The following EHBP1L1 variants were observed in gnomAD, a reference collection of about 807,000 sequenced individuals.
EHBP1L1 encodes EH domain-binding protein 1-like protein 1.
Under a neutral mutation model 151.1 loss-of-function variants are expected in EHBP1L1, and 122 were observed. That is an observed-to-expected ratio of 0.81 (90% CI 0.70 to 0.94). EHBP1L1 has a LOEUF of 0.94. EHBP1L1 is among the 40% of genes least tolerant of loss of function. The pLI, the probability that EHBP1L1 is intolerant of heterozygous loss-of-function variation, is 0.00. For synonymous variants in EHBP1L1, 878 were observed against 810.1 expected (o/e 1.08, Z -1.42); for missense variants, 1,941 against 1,959.8 (o/e 0.99, Z 0.18).
chr11:65,590,117 T>C lies in EHBP1L1; in HGVS notation c.4090T>C (p.Cys1364Arg). Residue 1364 changes from cysteine to arginine, a missense_variant, in exon 15 of 19, where the codon TGT (cysteine) becomes CGT (arginine). By Grantham distance (180) the Cys-to-Arg change is radical. Coordinates refer to ENST00000309295, the MANE Select transcript of EHBP1L1 (RefSeq NM_001099409.3). ...QRFQDTSQYV[C>R]AELQALEQEQ... ...GTTCCAGGACACAAGTCAGTACGTG[T>C]GTGCAGAGCTGCAGGCCCTGGAACA... The C allele has an allele frequency of 1.9e-6, 3 of 1,613,800 alleles. No individual in the cohort carries two copies. Among genetic ancestry groups the C allele is most frequent in the Non-Finnish European group, 2.5e-6 (3 of 1,179,818 alleles).
In EHBP1L1 at chr11:65,579,919, A is replaced by G. The variant is rs766029891; in HGVS notation, c.259-17A>G. The G allele has an allele frequency of 2.8e-5, 45 of 1,613,098 alleles. No homozygotes were observed. The Middle Eastern group carries it at 6.6e-4, about 24-fold the overall frequency. On this transcript the variant is annotated splice_polypyrimidine_tract_variant and intron_variant, in intron 3 of 18. Transcript: ENST00000309295. ...CTGCCCCAACAGTCCTGTACTCACCAGCACCCTTCTTCCCAGGACCCCCAC... is the reference window on the plus strand; with the variant it reads ...CTGCCCCAACAGTCCTGTACTCACCGGCACCCTTCTTCCCAGGACCCCCAC...
In EHBP1L1 at chr11:65,581,630, G is replaced by A; in HGVS notation, c.958G>A (p.Gly320Arg). 1 of 1,550,290 alleles carries A rather than the reference G, an allele frequency of 6.5e-7. No homozygotes were observed. The highest frequency in any genetic ancestry group is 8.7e-7 in the Non-Finnish European group (1 of 1,147,140). ...SDALRPPVPQ[G>R]EDEVPKASGA... The stretch of plus-strand genomic sequence containing the variant: ...TGCCCTCCGGCCCCCAGTCCCCCAG[G>A]GGGAAGATGAGGTCCCCAAAGCCTC... Residue 320 changes from glycine (G) to arginine (R), a missense_variant, in exon 9 of 19, where the codon GGG becomes AGG. By Grantham distance (125) the Gly-to-Arg change is moderately radical (BLOSUM62 -2). Transcript: ENST00000309295.
At position 65,579,402 on chromosome 11, in the gene EHBP1L1, C is replaced by T; in HGVS notation, c.224C>T (p.Pro75Leu). The change falls in exon 3 of 19, where the codon CCT (proline) becomes CTT (leucine). Residue 75 changes from proline to leucine, a missense_variant. By Grantham distance (98) the Pro-to-Leu change is moderately conservative. Coordinates refer to ENST00000309295, the MANE Select transcript of EHBP1L1 (RefSeq NM_001099409.3). ...CGGGGCACCGTGGTGTGGATGGTAC[C>T]TGAGAATGTGGACATCTCTGTGACC... is the stretch of plus-strand genomic sequence containing the variant. ...PYRGTVVWMV[P>L]ENVDISVTLY... The T allele has an allele frequency of 1.3e-6, 2 of 1,573,032 alleles. No homozygotes were observed. The highest frequency in any genetic ancestry group is 1.7e-6 in the Non-Finnish European group (2 of 1,158,636).
Position 65,585,765 on chromosome 11 carries a change from C to G in EHBP1L1, c.3933+174C>G, listed in dbSNP as rs1857938838. On this transcript the variant is annotated intron_variant, in intron 12 of 18. Transcript: ENST00000309295. The surrounding 1 kb of genome is among the most constrained non-coding windows in gnomAD (Gnocchi z 4.0). Reference sequence around the variant, plus strand: ...GAGGGGCTATCTGATCAGAGGGACCCTGGTGCTGTGGAAGAGTCCTCTGGT... The same window carrying G: ...GAGGGGCTATCTGATCAGAGGGACCGTGGTGCTGTGGAAGAGTCCTCTGGT... 6.6e-6 allele frequency among the ~76,000 whole-genome samples: 1 copy of G among 152,214 alleles called. No individual in the cohort carries two copies. The highest frequency in any genetic ancestry group is 1.5e-5 in the Non-Finnish European group (1 of 68,024).
intron 11 of EHBP1L1, 191 bp downstream of exon 11, chr11:65,584,725 C>A: frequency 1.9e-6 from 2 of 1,027,308 alleles, no homozygotes; most frequent in Non-Finnish European, 2.8e-6. Flanking sequence ...CGTTTTTCCT[C>A]CCTTAGATGG....
Position 65,584,539 on chromosome 11 carries a change from G to A in EHBP1L1, c.3300+5G>A, listed in dbSNP as rs748622403. On this transcript the variant is annotated splice_donor_5th_base_variant and intron_variant, in intron 11 of 18. Coordinates refer to ENST00000309295, the MANE Select transcript of EHBP1L1 (RefSeq NM_001099409.3). ...ATCAAGCAGAACAACAAGCAGGTGA[G>A]ATGGGGTGGGGGACTGCCTGGAGGG... 12 of 1,610,568 alleles carry A rather than the reference G, an allele frequency of 7.5e-6. No individual in the cohort carries two copies. The highest frequency in any genetic ancestry group is 5.9e-6 in the Non-Finnish European group (7 of 1,178,808).
At position 65,582,982 on chromosome 11, in the gene EHBP1L1, A is replaced by G. The variant is rs751521801; in HGVS notation, c.2310A>G (p.Glu770=). The G allele has an allele frequency of 1.2e-6, 2 of 1,613,052 alleles. No individual in the cohort carries two copies. Among genetic ancestry groups the G allele is most frequent in the Admixed American group, 3.3e-5 (2 of 59,966 alleles). ...TGGGAATAGAGACTGGGGCAGCAGA[A>G]GGTGCGATATTGGGGACCCAAGAGA... ...GVLGIETGAA[E]GAILGTQEIA... Residue 770 remains glutamate (E), a synonymous_variant, in exon 9 of 19, where the codon GAA becomes GAG. Coordinates refer to ENST00000309295, the MANE Select transcript of EHBP1L1 (RefSeq NM_001099409.3).
intron 9 of EHBP1L1, 132 bp downstream of exon 9, chr11:65,583,897 C>T (rs1857785791): frequency 1.4e-6 from 2 of 1,417,312 alleles, no homozygotes; most frequent in South Asian, 3.3e-5. Context: ...TTGAAGGAGC[C>T]CCCTCATCCC....
Position 65,580,359 on chromosome 11 carries a change from G to C in EHBP1L1, c.514G>C (p.Ala172Pro), listed in dbSNP as rs199551986. 2 of 1,613,724 alleles carry C rather than the reference G, an allele frequency of 1.2e-6. No homozygotes were observed. The highest frequency in any genetic ancestry group is 1.7e-6 in the Non-Finnish European group (2 of 1,179,856). The part of the protein sequence containing the change: ...RATDDDMQSL[A>P]SLMSVKPSDV... ...CAGGGACGATGACATGCAGAGTCTC[G>C]CAAGCCTCATGAGTGTGAAGCCTAG... The change falls in exon 6 of 19, where the codon GCA (alanine) becomes CCA (proline). Residue 172 changes from alanine (A) to proline (P), a missense_variant. By Grantham distance (27) the Ala-to-Pro change is conservative (BLOSUM62 -1). Transcript: ENST00000309295.
chr11:65,581,292 A>C lies in EHBP1L1; in HGVS notation c.785A>C (p.Gln262Pro), dbSNP rs760341488. Residue 262 changes from glutamine to proline, a missense_variant, in exon 8 of 19, where the codon CAG becomes CCG. Transcript: ENST00000309295. ...PAPPARTSRG[Q>P]GSERANEAGG... ...CCCCCAGCCAGAACCTCCCGAGGCC[A>C]GGGGTCAGAACGAGCTAATGAAGCG... is the stretch of plus-strand genomic sequence containing the variant. 1.9e-6 allele frequency: 3 copies of C among 1,611,976 alleles called. No homozygotes were observed. The highest frequency in any genetic ancestry group is 2.2e-5 in the East Asian group (1 of 44,846).
intron 12 of EHBP1L1, among the ~76,000 whole-genome samples, chr11:65,587,425 C>T (rs1489222473): frequency 3.3e-5 from 5 of 152,164 alleles, no homozygotes; most frequent in African/African-American, 9.6e-5. Flanking sequence ...CACTGGAATT[C>T]CCACGAGGCC....
At chr11:65,588,601 C>T (rs1250417253) in intron 12 of EHBP1L1, among the ~76,000 whole-genome samples, 3 of 152,186 alleles carry the variant, frequency 2.0e-5, no homozygotes, top group Admixed American at 6.5e-5. Flanking sequence ...GGCAGGTCAA[C>T]CACTGTCCCT....
At position 65,581,079 on chromosome 11, in the gene EHBP1L1, C is replaced by T. The variant is rs373658672; in HGVS notation, c.656C>T (p.Thr219Met). The T allele has an allele frequency of 6.0e-5, 97 of 1,612,020 alleles. 1 individual carries two copies. In the Admixed American group the frequency reaches 6.2e-4, roughly 10 times the overall value. ...PQPDPSRELKTLCEEEEEGQG... is the reference protein window; with the variant it reads ...PQPDPSRELKMLCEEEEEGQG... Reference sequence around the variant, plus strand: ...CCAGATCCCTCTCGAGAGCTGAAGACGCTTTGTGAGGAGGAGGAGGAAGGC... The same window carrying T: ...CCAGATCCCTCTCGAGAGCTGAAGATGCTTTGTGAGGAGGAGGAGGAAGGC... Residue 219 changes from threonine (T) to methionine (M), a missense_variant, in exon 7 of 19, where the codon ACG becomes ATG. Thr to Met is a moderately conservative substitution (Grantham distance 81, BLOSUM62 -1). Transcript: ENST00000309295.
Position 65,582,316 on chromosome 11 carries a change from T to C in EHBP1L1, c.1644T>C (p.Thr548=). 1 of 1,537,752 alleles carries C rather than the reference T, an allele frequency of 6.5e-7. No individual in the cohort carries two copies. The highest frequency in any genetic ancestry group is 8.7e-7 in the Non-Finnish European group (1 of 1,147,936). The stretch of plus-strand genomic sequence containing the variant: ...GCTGGCAGGGGGCCCTGTTATCAAC[T>C]GCCCAGGGGGCAATATCCAGGGGTC... ...VSSWQGALLS[T]AQGAISRGLG... Residue 548 remains threonine, a synonymous_variant, in exon 9 of 19, where the codon ACT becomes ACC. Coordinates refer to ENST00000309295, the MANE Select transcript of EHBP1L1 (RefSeq NM_001099409.3).
chr11:65,591,637 T>G (rs1858298890), intron 16 of EHBP1L1, 163 bp from the exon 17 acceptor site: 2 of 661,268 alleles, frequency 3.0e-6, no homozygotes, highest in South Asian at 3.3e-5. Flanking sequence ...AGCGATAATG[T>G]GGTCTGGAGA....
rs1293738609 is a variant in EHBP1L1, at chr11:65,580,082, A to G, written c.314A>G (p.Glu105Gly). The G allele has an allele frequency of 6.2e-7, 1 of 1,612,562 alleles. No individual in the cohort carries two copies. ...AKEWTFIIEN[E>G]SKGQRKVLAT... The stretch of plus-strand genomic sequence containing the variant: ...CCTGGTCTCTCCCCTGGCCCACAGG[A>G]GTCTAAGGGGCAGCGGAAGGTGCTG... Residue 105 changes from glutamate to glycine, a missense_variant and splice_region_variant, in exon 5 of 19, where the codon GAG becomes GGG. By Grantham distance (98) the Glu-to-Gly change is moderately conservative. Transcript: ENST00000309295.
Position 65,579,120 on chromosome 11 carries a change from A to T in EHBP1L1, c.147A>T (p.Arg49=), listed in dbSNP as rs753713748. The T allele has an allele frequency of 4.4e-6, 7 of 1,594,712 alleles. No individual in the cohort carries two copies. The highest frequency in any genetic ancestry group is 2.6e-6 in the Non-Finnish European group (3 of 1,170,940). Residue 49 remains arginine, a synonymous_variant, in exon 2 of 19, where the codon CGA becomes CGT. Transcript: ENST00000309295. Reference sequence around the variant, plus strand: ...TGGTGGTATGGACCCGTCGGAACCGACGCATCTGCTCCAAGGTGGGGAAGG... The same window carrying T: ...TGGTGGTATGGACCCGTCGGAACCGTCGCATCTGCTCCAAGGTGGGGAAGG... ...KLVVVWTRRN[R]RICSKAHSWQ...
chr11:65,577,995 C>T (rs1273623177), intron 1 of EHBP1L1, among the ~76,000 whole-genome samples: 1 of 152,180 alleles, frequency 6.6e-6, no homozygotes, highest in Non-Finnish European at 1.5e-5. Flanking sequence ...TCCCCTCAAG[C>T]ATCACCCCTC....
rs930934601 is a variant in EHBP1L1 at position 65,579,835 on chromosome 11, A to AG, written c.259-101_259-100insG. 54 of 1,335,732 alleles carry AG rather than the reference A, an allele frequency of 4.0e-5. No homozygotes were observed. The Admixed American group carries it at 1.2e-3, about 29-fold the overall frequency. The allele number at this position is 1,335,732 out of a possible 1,614,324, so 82.7% of individuals were successfully genotyped here. Reference sequence around the variant, plus strand: ...GAGGAAGACTCCGTCTCAAAAAAAAAAAAAAAGCCACCACTACCAAGCACC... The same window carrying AG: ...GAGGAAGACTCCGTCTCAAAAAAAAAGAAAAAAGCCACCACTACCAAGCACC... On this transcript the variant is annotated intron_variant, in intron 3 of 18. Coordinates refer to ENST00000309295, the MANE Select transcript of EHBP1L1 (RefSeq NM_001099409.3).
Sources: allele counts gnomAD v4.1 joint callset (sites outside exome capture counted in the v4.1 genomes callset), GRCh38; gene constraint gnomAD v4.1.1; non-coding constraint Gnocchi (gnomAD v3.1); transcripts MANE v1.5; gene names NCBI Gene and HGNC (gene_info 2026-07-23, HGNC 2026-07-21).